TBC1D32: variants seen among roughly 807,000 people sequenced by gnomAD.
TBC1D32 encodes protein broad-minded.
A neutral mutation model predicts 170.3 loss-of-function variants in TBC1D32; 151 were observed. The observed-to-expected ratio is 0.89, with a 90% CI of 0.78 to 1.01. The LOEUF is 1.01. TBC1D32 is among the 50% of genes least tolerant of loss of function. The probability of loss-of-function intolerance (pLI) is 0.00; values close to 1 mark genes in which losing one functional copy is unlikely to be tolerated. For synonymous variants in TBC1D32, 498 were observed against 488.0 expected (o/e 1.02, Z -0.27); for missense variants, 1,464 against 1,457.1 (o/e 1.00, Z -0.08).
At chr6:121,309,668 T>G (rs1426341358) in intron 4 of TBC1D32, among the ~76,000 whole-genome samples, 1 of 152,216 alleles carries the variant, frequency 6.6e-6, no homozygotes, top group Non-Finnish European at 1.5e-5. Context: ...GAAATAATTC[T>G]TCATAAACAG....
chr6:121,135,450 T>C (rs776538710), intron 24 of TBC1D32, among the ~76,000 whole-genome samples: 1 of 152,116 alleles, frequency 6.6e-6, no homozygotes, highest in African/African-American at 2.4e-5. Context: ...CATTAGCCAA[T>C]GGGCAGTGCA....
chr6:121,248,081 C>A (rs1797851314), intron 17 of TBC1D32, among the ~76,000 whole-genome samples: 1 of 152,002 alleles, frequency 6.6e-6, no homozygotes, highest in Non-Finnish European at 1.5e-5. Flanking sequence ...CAAAACAAGT[C>A]TCAGCAAATT....
chr6:121,286,154 T>C (rs555354607), intron 12 of TBC1D32, among the ~76,000 whole-genome samples: 2 of 151,534 alleles, frequency 1.3e-5, no homozygotes, highest in South Asian at 2.1e-4. Context: ...CTTTGACGAG[T>C]TGAGAGAGGA....
At chr6:121,190,806 G>C (rs753961703) in intron 22 of TBC1D32, among the ~76,000 whole-genome samples, 4 of 152,146 alleles carry the variant, frequency 2.6e-5, no homozygotes, top group Non-Finnish European at 5.9e-5. Context: ...ATTCTATGAA[G>C]TTTAGTGTTA....
chr6:121,208,392 G>T (rs1792573573), intron 21 of TBC1D32, among the ~76,000 whole-genome samples: 1 of 152,098 alleles, frequency 6.6e-6, no homozygotes, highest in Middle Eastern at 3.2e-3. Flanking sequence ...AAGGAGAAGT[G>T]TGGAGCAAAG....
At chr6:121,244,004 G>A (rs929668280) in intron 17 of TBC1D32, among the ~76,000 whole-genome samples, 39 of 151,928 alleles carry the variant, frequency 2.6e-4, no homozygotes, top group Admixed American at 1.6e-3. Flanking sequence ...AAAGGCAAAC[G>A]AGGGAGTAAG....
At chr6:121,232,204 T>G (rs946855226) in intron 20 of TBC1D32, among the ~76,000 whole-genome samples, 13 of 152,140 alleles carry the variant, frequency 8.5e-5, no homozygotes, top group African/African-American at 3.1e-4. Flanking sequence ...TTTATGTTTT[T>G]GTTTACTTTG....
chr6:121,306,967 T>G (rs1158701407), intron 5 of TBC1D32, among the ~76,000 whole-genome samples: 1 of 152,192 alleles, frequency 6.6e-6, no homozygotes, highest in Non-Finnish European at 1.5e-5. Context: ...TATAAGCCCT[T>G]TCGAATAAAC....
chr6:121,169,036 T>C (rs1387097960), intron 22 of TBC1D32, among the ~76,000 whole-genome samples: 2 of 148,292 alleles, frequency 1.3e-5, no homozygotes, highest in Non-Finnish European at 3.0e-5. Flanking sequence ...TTAAACTATA[T>C]TGACATTCTT....
intron 25 of TBC1D32, among the ~76,000 whole-genome samples, chr6:121,127,638 A>G (rs1213779594): frequency 6.6e-6 from 1 of 152,102 alleles, no homozygotes; most frequent in East Asian, 1.9e-4. Context: ...GAGCATTTCA[A>G]TTCTATGTGT....
chr6:121,131,685 G>C lies in TBC1D32; in HGVS notation c.2841C>G (p.Asn947Lys). 1 of 1,611,064 alleles carries C rather than the reference G, an allele frequency of 6.2e-7. No individual in the cohort carries two copies. Residue 947 changes from asparagine to lysine, a missense_variant, in exon 25 of 32, where the codon AAC (asparagine) becomes AAG (lysine). Physicochemically the swap from Asn to Lys is moderately conservative, Grantham distance 94 (BLOSUM62 0). Transcript: ENST00000398212. ...ISDKQTEWIENCQRQFCKMMK... is the reference protein window; with the variant it reads ...ISDKQTEWIEKCQRQFCKMMK... ...TCATTTTGCAAAATTGTCTTTGGCA[G>C]TTTTCTATCCATTCAGTTTGTTTAT...
intron 7 of TBC1D32, 40 bp from the exon 8 acceptor site, chr6:121,304,466 C>A: frequency 1.2e-6 from 2 of 1,604,234 alleles, no homozygotes; most frequent in Non-Finnish European, 1.7e-6. Context: ...AAATTAGCAT[C>A]CTCAAATATA....
chr6:121,286,141 T>C (rs566251425), intron 12 of TBC1D32, among the ~76,000 whole-genome samples: 4 of 152,242 alleles, frequency 2.6e-5, no homozygotes, highest in Admixed American at 6.5e-5. Flanking sequence ...GGATGGAGAA[T>C]GACTTTGACG....
In TBC1D32 at chr6:121,283,887, G is replaced by A. The variant is rs764069843; in HGVS notation, c.1396C>T (p.Leu466Phe). 43 of 1,610,188 alleles carry A rather than the reference G, an allele frequency of 2.7e-5. No homozygotes were observed. The East Asian group carries it at 9.0e-4, about 34-fold the overall frequency. ...TAGATAAGTTGGGTAAAAAGAACAA[G>A]CAGATCTATGAGGGATACCAAACCT... ...KKGLVSLIDL[L>F]VLFTQLIYYS... Residue 466 changes from leucine (L) to phenylalanine (F), a missense_variant, in exon 13 of 32, where the codon CTT becomes TTT. By Grantham distance (22) the Leu-to-Phe change is conservative. This residue lies in a region of TBC1D32 where 1,363 missense variants were observed against 1,338.1 expected (regional missense o/e 1.02). Transcript: ENST00000398212.
At chr6:121,262,036 G>A (rs1003957199) in intron 15 of TBC1D32, among the ~76,000 whole-genome samples, 4 of 152,164 alleles carry the variant, frequency 2.6e-5, no homozygotes, top group Non-Finnish European at 5.9e-5. Context: ...AAAAATACCA[G>A]TGTTTGAAGA....
At chr6:121,304,879 T>C in intron 5 of TBC1D32, 46 bp from the exon 6 acceptor site, 1 of 1,266,576 alleles carries the variant, frequency 7.9e-7, no homozygotes, top group Middle Eastern at 2.4e-4. Flanking sequence ...CTCACAAGAA[T>C]AGAATAGAGA....
chr6:121,266,531 A>G (rs1156566239), intron 15 of TBC1D32, among the ~76,000 whole-genome samples: 59 of 152,100 alleles, frequency 3.9e-4, no homozygotes, highest in African/African-American at 1.4e-3. Context: ...AGACGCAGAA[A>G]TATCATTTGA....
intron 14 of TBC1D32, among the ~76,000 whole-genome samples, chr6:121,280,075 T>G (rs1680312197): frequency 6.6e-6 from 1 of 151,902 alleles, no homozygotes. Flanking sequence ...GTCCTAATTA[T>G]TACTAATCAT....
In TBC1D32 at chr6:121,125,559, CG is replaced by C. The variant is rs148213192; in HGVS notation, c.2983+818del. On this transcript the variant is annotated intron_variant, in intron 26 of 31. Coordinates refer to ENST00000398212, the MANE Select transcript of TBC1D32 (RefSeq NM_152730.6). ...AGTGGGGGTAGTTCCTCAGTTGCAA[CG>C]GGGGGGTCAGAGCTGATACTACGCT... Among the ~76,000 whole-genome samples, 16 of 151,408 alleles carry C rather than the reference CG, an allele frequency of 1.1e-4. 1 individual carries two copies. Among genetic ancestry groups the C allele is most frequent in the Non-Finnish European group, 7.4e-5 (5 of 67,890 alleles).
Sources: allele counts gnomAD v4.1 joint callset (sites outside exome capture counted in the v4.1 genomes callset), GRCh38; gene constraint gnomAD v4.1.1; regional missense constraint gnomAD v4.1.1; transcripts MANE v1.5; gene names NCBI Gene and HGNC (gene_info 2026-07-23, HGNC 2026-07-21).